TEX9: variants seen among roughly 807,000 people sequenced by gnomAD.
TEX9 encodes testis expressed 9.
Under a neutral mutation model 59.6 loss-of-function variants are expected in TEX9, and 74 were observed. The observed-to-expected ratio is 1.24, with a 90% CI of 1.03 to 1.51. The LOEUF is 1.51. Ranked by LOEUF, TEX9 falls within the 40% of genes most tolerant of loss-of-function variation. TEX9 has a pLI of 0.00. For missense variants in TEX9, 522 were observed against 447.8 expected, an observed-to-expected ratio of 1.17 and a Z score of -1.49; for synonymous variants, 186 against 152.2, an observed-to-expected ratio of 1.22 and a Z score of -1.64.
At chr15:56,290,381 C>G (rs2045059938) in intron 1 of TEX9, among the ~76,000 whole-genome samples, 1 of 152,090 alleles carries the variant, frequency 6.6e-6, no homozygotes, top group African/African-American at 2.4e-5. Flanking sequence ...CCAATAGCCA[C>G]CACCTTTCTT....
chr15:56,326,999 C>G (rs1006280899), intron 1 of TEX9, among the ~76,000 whole-genome samples: 1 of 152,000 alleles, frequency 6.6e-6, no homozygotes, highest in Non-Finnish European at 1.5e-5. Flanking sequence ...AGAACTTACC[C>G]GTGTAACCAA....
intron 12 of TEX9, chr15:56,434,482 A>G (rs1428715154): frequency 7.4e-7 from 1 of 1,351,212 alleles, no homozygotes; most frequent in Non-Finnish European, 1.0e-6. Flanking sequence ...GGTTAAATTT[A>G]GTATTACAAT....
chr15:56,283,890 C>T (rs1356198752), intron 1 of TEX9, among the ~76,000 whole-genome samples: 1 of 152,038 alleles, frequency 6.6e-6, no homozygotes, highest in African/African-American at 2.4e-5. Flanking sequence ...GGGATGAATT[C>T]ACAGAAAAGA....
At chr15:56,405,037 G>C (rs992591642) in intron 9 of TEX9, among the ~76,000 whole-genome samples, 3 of 152,066 alleles carry the variant, frequency 2.0e-5, no homozygotes, top group Admixed American at 6.5e-5. Context: ...TGTAAATGAC[G>C]AGTTGATGGG....
rs545129365 is a variant in TEX9 at position 56,331,692 on chromosome 15, T to TA, written c.-106-41740dup. On this transcript the variant is annotated intron_variant, in intron 1 of 5. Coordinates refer to the TEX9 transcript ENST00000560827. ...AATTTTATAGCCATAAGCACCTACA[T>TA]AAAAAAAAATTTTTAAATAAACACC... Among the ~76,000 whole-genome samples the TA allele has an allele frequency of 5.7e-3, 867 of 151,200 alleles. 6 individuals are homozygous for TA. The highest frequency in any genetic ancestry group is 0.02 in the African/African-American group (816 of 41,290).
At chr15:56,413,584 T>C (rs1259643805) in intron 10 of TEX9, among the ~76,000 whole-genome samples, 1 of 151,544 alleles carries the variant, frequency 6.6e-6, no homozygotes, top group South Asian at 2.1e-4. Flanking sequence ...GCAACCACCA[T>C]TGTACTTTCT....
At chr15:56,394,333 T>G (rs1408765501) in intron 8 of TEX9, 86 bp downstream of exon 8, 13 of 1,163,866 alleles carry the variant, frequency 1.1e-5, no homozygotes, top group Non-Finnish European at 1.6e-5. Context: ...ATTACTTTAT[T>G]TAGATATAAA....
chr15:56,403,276 C>T (rs941010451), intron 9 of TEX9, among the ~76,000 whole-genome samples: 76 of 152,252 alleles, frequency 5.0e-4, no homozygotes, highest in African/African-American at 1.6e-3. Context: ...TGATGAGGAA[C>T]TTCAGCGAAG....
intron 10 of TEX9, among the ~76,000 whole-genome samples, chr15:56,418,096 A>G (rs2049787886): frequency 6.6e-6 from 1 of 151,890 alleles, no homozygotes; most frequent in African/African-American, 2.4e-5. Context: ...GGTCTTCTGA[A>G]GACAGCATAC....
intron 1 of TEX9, among the ~76,000 whole-genome samples, chr15:56,302,116 C>A (rs1178669569): frequency 6.6e-6 from 1 of 152,124 alleles, no homozygotes; most frequent in Non-Finnish European, 1.5e-5. Flanking sequence ...CTTTTGTTAG[C>A]AGTGTTAAGT....
chr15:56,334,836 A>G (rs181490687), intron 1 of TEX9, among the ~76,000 whole-genome samples: 68 of 152,292 alleles, frequency 4.5e-4, no homozygotes, highest in Non-Finnish European at 6.5e-4. Flanking sequence ...ATTTTTTTAA[A>G]TGGGCAAAGG....
chr15:56,324,059 A>C (rs2554289), intron 1 of TEX9, among the ~76,000 whole-genome samples: 4,796 of 152,228 alleles, frequency 0.032, 187 homozygotes, highest in East Asian at 0.095. Flanking sequence ...ATAGAAATCG[A>C]AAGCAGGTTC....
intron 1 of TEX9, among the ~76,000 whole-genome samples, chr15:56,267,143 C>T (rs567976275): frequency 1.6e-4 from 24 of 152,288 alleles, no homozygotes; most frequent in Admixed American, 7.8e-4. Flanking sequence ...AGTGTCTGTT[C>T]ATGTCCTTTG....
At chr15:56,370,405 C>G (rs1412834527) in intron 2 of TEX9, among the ~76,000 whole-genome samples, 1 of 152,084 alleles carries the variant, frequency 6.6e-6, no homozygotes, top group Non-Finnish European at 1.5e-5. Flanking sequence ...CAATTTCCTC[C>G]TTCCTGAAGT....
intron 12 of TEX9, among the ~76,000 whole-genome samples, chr15:56,442,989 T>C (rs1447294665): frequency 6.6e-6 from 1 of 152,202 alleles, no homozygotes; most frequent in Non-Finnish European, 1.5e-5. Flanking sequence ...GCTTCATGTA[T>C]TGTGAAGCTT....
chr15:56,409,819 C>G (rs1237624682), intron 9 of TEX9: 3 of 152,196 alleles, frequency 2.0e-5, no homozygotes, highest in African/African-American at 7.2e-5. Flanking sequence ...TTACTTAAAT[C>G]ATTACCTCAC....
At chr15:56,426,224 C>G (rs2050234796) in intron 10 of TEX9, among the ~76,000 whole-genome samples, 2 of 151,990 alleles carry the variant, frequency 1.3e-5, no homozygotes, top group African/African-American at 4.8e-5. Flanking sequence ...AGGCAGGCCC[C>G]AGAAAAGCCA....
At chr15:56,347,352 G>T (rs1026248013) in intron 1 of TEX9, among the ~76,000 whole-genome samples, 1 of 151,992 alleles carries the variant, frequency 6.6e-6, no homozygotes, top group African/African-American at 2.4e-5. Flanking sequence ...TAGTAATCAG[G>T]GTATGTCCTA....
intron 1 of TEX9, among the ~76,000 whole-genome samples, chr15:56,299,937 G>C (rs1352037464): frequency 6.6e-6 from 1 of 152,098 alleles, no homozygotes; most frequent in African/African-American, 2.4e-5. Context: ...ACAATATCCT[G>C]TTGGCTTTCA....
Sources: allele counts gnomAD v4.1 joint callset (sites outside exome capture counted in the v4.1 genomes callset), GRCh38; gene constraint gnomAD v4.1.1; transcripts MANE v1.5; gene names NCBI Gene and HGNC (gene_info 2026-07-23, HGNC 2026-07-21).